The following PPP1R13B variants were observed in gnomAD, a reference collection of about 807,000 sequenced individuals.
The protein encoded by PPP1R13B is protein phosphatase 1 regulatory subunit 13B, also known as apoptosis-stimulating of p53 protein 1.
In PPP1R13B, 44 loss-of-function variants were observed where a neutral mutation model predicts 119.8. The ratio of observed to expected loss-of-function variants is 0.37; its 90% CI spans 0.29 to 0.47. PPP1R13B has a LOEUF of 0.47. Ranked by LOEUF, PPP1R13B falls within the 20% of genes least tolerant of loss-of-function variation. The pLI is 0.99. For synonymous variants in PPP1R13B, 542 were observed against 561.5 expected, an observed-to-expected ratio of 0.97 and a Z score of 0.49; for missense variants, 1,227 against 1,413.5, an observed-to-expected ratio of 0.87 and a Z score of 2.12.
intron 4 of PPP1R13B, among the ~76,000 whole-genome samples, chr14:103,772,781 T>G (rs1010153096): frequency 6.6e-6 from 1 of 151,826 alleles, no homozygotes; most frequent in Non-Finnish European, 1.5e-5. Context: ...CAAGTGATTC[T>G]CCTGCCTCCC....
intron 4 of PPP1R13B, among the ~76,000 whole-genome samples, chr14:103,774,523 G>A (rs1397723914): frequency 1.3e-5 from 2 of 152,184 alleles, no homozygotes; most frequent in East Asian, 3.8e-4. Context: ...CAGCACAGTA[G>A]TATTAACCTG....
chr14:103,844,753 C>G (rs1224897647), intron 1 of PPP1R13B, among the ~76,000 whole-genome samples: 1 of 151,960 alleles, frequency 6.6e-6, no homozygotes, highest in East Asian at 1.9e-4. Flanking sequence ...AAAAAGTTAC[C>G]ACGACATTAT....
At chr14:103,797,270 C>T in intron 2 of PPP1R13B, 101 bp downstream of exon 2, 20 of 1,221,384 alleles carry the variant, frequency 1.6e-5, no homozygotes, top group South Asian at 6.9e-5. Context: ...ACTTTTTTTC[C>T]CCATCTTTAT....
chr14:103,816,471 G>A (rs2086283030), intron 1 of PPP1R13B, among the ~76,000 whole-genome samples: 1 of 151,628 alleles, frequency 6.6e-6, no homozygotes, highest in African/African-American at 2.4e-5. Context: ...CGGATCAGCT[G>A]AGGTCGGGAG....
chr14:103,737,705 T>C lies in PPP1R13B; in HGVS notation c.3020A>G (p.Gln1007Arg), dbSNP rs1173639199. 1 of 1,614,130 alleles carries C rather than the reference T, an allele frequency of 6.2e-7. No homozygotes were observed. The highest frequency in any genetic ancestry group is 2.2e-5 in the East Asian group (1 of 44,884). ...EMEEGYIQCS[Q>R]FLYGVQEKLG... ...CCTCCCCTGCGTACCATATAGAAAC[T>C]GGGAGCACTGGATGTAGCCTTCCTC... Residue 1007 changes from glutamine to arginine, a missense_variant, in exon 15 of 17, where the codon CAG (glutamine) becomes CGG (arginine). Gln to Arg is a conservative substitution (Grantham distance 43). Transcript: ENST00000202556.
intron 1 of PPP1R13B, among the ~76,000 whole-genome samples, chr14:103,836,141 G>C (rs2086772750): frequency 6.6e-6 from 1 of 151,176 alleles, no homozygotes; most frequent in African/African-American, 2.4e-5. Flanking sequence ...CGCCTCCCAG[G>C]CTCAAGCAAT....
intron 4 of PPP1R13B, among the ~76,000 whole-genome samples, chr14:103,768,617 G>T (rs893393595): frequency 6.6e-6 from 1 of 151,906 alleles, no homozygotes; most frequent in Non-Finnish European, 1.5e-5. Flanking sequence ...ATTTTTAGTA[G>T]CGACAGGGTT....
At chr14:103,787,939 C>A (rs1450544125) in intron 2 of PPP1R13B, among the ~76,000 whole-genome samples, 1 of 151,862 alleles carries the variant, frequency 6.6e-6, no homozygotes, top group Non-Finnish European at 1.5e-5. Flanking sequence ...CGTGAGCCGC[C>A]GCGCCCAGCC....
At chr14:103,848,795 G>A (rs1192228894), upstream of PPP1R13B, among the ~76,000 whole-genome samples, 1 of 152,210 alleles carries the variant, frequency 6.6e-6, no homozygotes, top group African/African-American at 2.4e-5. Flanking sequence ...GAGGCCACGG[G>A]GGCTCGTGTT....
chr14:103,758,638 G>A (rs1003710615), intron 4 of PPP1R13B, among the ~76,000 whole-genome samples: 1 of 152,188 alleles, frequency 6.6e-6, no homozygotes, highest in African/African-American at 2.4e-5. Flanking sequence ...CTCTGGGTGA[G>A]GAGCTATGGG....
At chr14:103,751,438 G>A (rs866891998) in intron 7 of PPP1R13B, among the ~76,000 whole-genome samples, 1 of 152,198 alleles carries the variant, frequency 6.6e-6, no homozygotes, top group East Asian at 1.9e-4. Context: ...TTTCTAGCAA[G>A]TGCTAATAAA....
At chr14:103,818,636 G>T in intron 1 of PPP1R13B, 1 of 316,618 alleles carries the variant, frequency 3.2e-6, no homozygotes, top group Non-Finnish European at 4.6e-6. Flanking sequence ...TTCACATTTG[G>T]GCAAGTTCCC....
intron 9 of PPP1R13B, chr14:103,743,822 C>G (rs1192273793): frequency 6.6e-6 from 1 of 152,300 alleles, no homozygotes; most frequent in Admixed American, 6.5e-5. Flanking sequence ...CGGCTGCGCT[C>G]TGAGCGCCTG....
At chr14:103,779,011 C>T (rs759928037) in intron 3 of PPP1R13B, among the ~76,000 whole-genome samples, 190 bp from the exon 4 acceptor site, 20 of 152,132 alleles carry the variant, frequency 1.3e-4, no homozygotes, top group Non-Finnish European at 2.5e-4. Flanking sequence ...GTTCAGGCTG[C>T]GCTCAGTGGC....
intron 3 of PPP1R13B, among the ~76,000 whole-genome samples, chr14:103,781,596 G>A (rs1474913568): frequency 6.6e-6 from 1 of 152,100 alleles, no homozygotes; most frequent in Non-Finnish European, 1.5e-5. Context: ...TTAAATATTA[G>A]AAGTAATCCA....
intron 4 of PPP1R13B, among the ~76,000 whole-genome samples, chr14:103,776,186 GAGGAAGGAAGGAAGGA>G (rs1307197386): frequency 0.013 from 993 of 75,460 alleles, 7 homozygotes; most frequent in East Asian, 0.02. Flanking sequence ...GGGAGGGAGG[GAGGAAGGAAGGAAGGA>G]AGGAAGGAAG....
At position 103,740,007 on chromosome 14, in the gene PPP1R13B, C is replaced by G; in HGVS notation, c.2409G>C (p.Glu803Asp). The G allele has an allele frequency of 6.2e-6, 10 of 1,614,052 alleles. No individual in the cohort carries two copies. Among genetic ancestry groups the G allele is most frequent in the Non-Finnish European group, 8.5e-6 (10 of 1,179,998 alleles). Residue 803 changes from glutamate to aspartate, a missense_variant, in exon 12 of 17, where the codon GAG (glutamate) becomes GAC (aspartate). Coordinates refer to ENST00000202556, the MANE Select transcript of PPP1R13B (RefSeq NM_015316.3). The surrounding 1 kb of genome is among the most constrained non-coding windows in gnomAD (Gnocchi z 4.6). Reference protein sequence around the residue: ...DNELPSPEPEELICPQTTHQT... With the variant: ...DNELPSPEPEDLICPQTTHQT... ...GGTGGGTGGTTTGGGGACAGATGAG[C>G]TCCTCTGGTTCGGGGGAAGGTAACT...
chr14:103,847,078 G>A (rs1463791014), intron 1 of PPP1R13B: 21 of 1,000,998 alleles, frequency 2.1e-5, no homozygotes, highest in Non-Finnish European at 2.5e-5. Context: ...GGCCGAGCAG[G>A]AAGGGCCCGC....
At chr14:103,811,100 A>C (rs929652174) in intron 1 of PPP1R13B, among the ~76,000 whole-genome samples, 1 of 147,988 alleles carries the variant, frequency 6.8e-6, no homozygotes, top group Non-Finnish European at 1.5e-5. Flanking sequence ...TCCTCAAAAA[A>C]AAAAAAAAAA....
Sources: gnomAD v4.1 joint callset for allele counts (sites outside exome capture counted in the v4.1 genomes callset) on GRCh38, gnomAD v4.1.1 for gene constraint, Gnocchi (gnomAD v3.1) non-coding constraint, MANE v1.5 for transcripts, NCBI Gene and HGNC (gene_info 2026-07-23, HGNC 2026-07-21) for gene names.